The following ARHGAP10 variants were observed in gnomAD, a reference collection of about 807,000 sequenced individuals.
ARHGAP10 encodes the protein rho GTPase-activating protein 10.
In ARHGAP10, 87 loss-of-function variants were observed where a neutral mutation model predicts 108.6. The ratio of observed to expected loss-of-function variants is 0.80; its 90% confidence interval spans 0.67 to 0.96. The LOEUF (loss-of-function observed/expected upper bound fraction) is 0.96, where lower values mean the gene tolerates loss of function less well. ARHGAP10 is among the 40% of genes least tolerant of loss of function. The pLI is 0.00. For missense variants in ARHGAP10, 939 were observed against 954.5 expected (o/e 0.98, Z 0.21); for synonymous variants, 347 against 341.1 (o/e 1.02, Z -0.19).
chr4:147,768,741 C>CT (rs34388709), intron 1 of ARHGAP10, among the ~76,000 whole-genome samples: 1,288 of 126,468 alleles, frequency 0.01, 14 homozygotes, highest in African/African-American at 0.032. Flanking sequence ...ATTTTCTTGT[C>CT]TTTTTTTTTT....
chr4:147,848,673 A>T (rs187080060), intron 4 of ARHGAP10, among the ~76,000 whole-genome samples: 1 of 152,318 alleles, frequency 6.6e-6, no homozygotes, highest in East Asian at 1.9e-4. Flanking sequence ...GGATGGTGCT[A>T]TATGTGTGAC....
At chr4:148,035,575 A>G (rs577272178) in intron 19 of ARHGAP10, among the ~76,000 whole-genome samples, 134 of 152,294 alleles carry the variant, frequency 8.8e-4, no homozygotes, top group African/African-American at 2.9e-3. Context: ...TTGTCTTGCC[A>G]TGTTTCAGAG....
At position 147,931,448 on chromosome 4, in the gene ARHGAP10, A is replaced by C. The variant is rs533063573; in HGVS notation, c.1229-8377A>C. On this transcript the variant is annotated intron_variant, in intron 13 of 22. Coordinates refer to ENST00000336498, the MANE Select transcript of ARHGAP10 (RefSeq NM_024605.4). ...AAATCACAATAATTTGGATATTTTA[A>C]CTTTAATTTTTCAGTTCTAAATTGT... 3.9e-5 allele frequency among the ~76,000 whole-genome samples: 6 copies of C among 152,306 alleles called. No homozygotes were observed. In the South Asian group the frequency reaches 1.2e-3, roughly 32 times the overall value.
At chr4:148,034,638 A>C (rs1728294359) in intron 19 of ARHGAP10, among the ~76,000 whole-genome samples, 1 of 152,034 alleles carries the variant, frequency 6.6e-6, no homozygotes, top group South Asian at 2.1e-4. Flanking sequence ...TCCATCTGGC[A>C]ATTAATAATG....
chr4:147,935,744 G>A (rs1174498505), intron 13 of ARHGAP10, among the ~76,000 whole-genome samples: 1 of 152,218 alleles, frequency 6.6e-6, no homozygotes. Flanking sequence ...GAGCCTTTGA[G>A]AACAGTGTAG....
intron 15 of ARHGAP10, among the ~76,000 whole-genome samples, chr4:147,951,239 C>T (rs766531626): frequency 1.3e-5 from 2 of 152,056 alleles, no homozygotes; most frequent in Non-Finnish European, 2.9e-5. Flanking sequence ...CCCCCCCTCC[C>T]TCGACCCCAC....
In ARHGAP10 at chr4:147,929,303, C is replaced by T. The variant is rs565757198; in HGVS notation, c.1229-10522C>T. On this transcript the variant is annotated intron_variant, in intron 13 of 22. Coordinates refer to ENST00000336498, the MANE Select transcript of ARHGAP10 (RefSeq NM_024605.4). ...CAAAGCTTTAGAATTATGTAAATAC[C>T]GTATCTTAAATTTATGATGGTGAAT... is the stretch of plus-strand genomic sequence containing the variant. Among the ~76,000 whole-genome samples the T allele has an allele frequency of 2.3e-4, 35 of 152,094 alleles. No individual in the cohort carries two copies. In the East Asian group the frequency reaches 5.6e-3, roughly 24 times the overall value.
At chr4:148,047,905 C>T (rs1255299215) in intron 20 of ARHGAP10, among the ~76,000 whole-genome samples, 2 of 152,018 alleles carry the variant, frequency 1.3e-5, no homozygotes, top group African/African-American at 4.8e-5. Flanking sequence ...TCACTGCAAC[C>T]TCCGCCTCCT....
intron 13 of ARHGAP10, among the ~76,000 whole-genome samples, chr4:147,926,060 G>A (rs537492696): frequency 8.5e-5 from 13 of 152,320 alleles, no homozygotes; most frequent in African/African-American, 2.6e-4. Flanking sequence ...CCATGCTGGG[G>A]TGGTGTTGGT....
intron 10 of ARHGAP10, among the ~76,000 whole-genome samples, chr4:147,904,764 G>A (rs908185280): frequency 7.9e-5 from 12 of 152,276 alleles, no homozygotes; most frequent in African/African-American, 2.9e-4. Flanking sequence ...GGATTGCTGG[G>A]TCAAATAGTA....
At chr4:147,889,309 T>A (rs528434546) in intron 10 of ARHGAP10, among the ~76,000 whole-genome samples, 1 of 152,152 alleles carries the variant, frequency 6.6e-6, no homozygotes, top group South Asian at 2.1e-4. Flanking sequence ...GGTACCTTCT[T>A]TTTTTTTGAG....
rs1215740070 is a variant in ARHGAP10 at position 147,784,756 on chromosome 4, AAAATG to A, written c.155-37970_155-37966del. On this transcript the variant is annotated intron_variant, in intron 1 of 22. Coordinates refer to ENST00000336498, the MANE Select transcript of ARHGAP10 (RefSeq NM_024605.4). ...AATATATATTATAAATATATATTATAAAATGTATATTATAAATATAATATATTATA... is the reference window on the plus strand; with the variant it reads ...AATATATATTATAAATATATATTATATATATTATAAATATAATATATTATA... Among the ~76,000 whole-genome samples the A allele has an allele frequency of 6.5e-5, 2 of 31,002 alleles. 1 individual carries two copies. Among genetic ancestry groups the A allele is most frequent in the African/African-American group, 1.3e-4 (2 of 14,908 alleles). 20.3% of individuals were successfully genotyped at this position (31,002 alleles called of 152,430 possible).
intron 12 of ARHGAP10, 110 bp downstream of exon 12, chr4:147,909,887 AG>A: frequency 6.9e-6 from 7 of 1,021,064 alleles, no homozygotes; most frequent in Non-Finnish European, 1.0e-5. Context: ...ACCCTCTATT[AG>A]ACAGAGGGGT....
intron 10 of ARHGAP10, among the ~76,000 whole-genome samples, chr4:147,885,091 G>C (rs1002834476): frequency 6.6e-6 from 1 of 151,696 alleles, no homozygotes; most frequent in Non-Finnish European, 1.5e-5. Flanking sequence ...AGTGGGGAAG[G>C]TTTCTGGCTT....
intron 1 of ARHGAP10, among the ~76,000 whole-genome samples, chr4:147,818,565 CAAAAAA>C (rs5862813): frequency 1.9e-5 from 2 of 105,304 alleles, no homozygotes; most frequent in Non-Finnish European, 2.0e-5. Context: ...AAACTGTCAC[CAAAAAA>C]AAAAAAAAAA....
intron 7 of ARHGAP10, among the ~76,000 whole-genome samples, chr4:147,872,648 G>T (rs76433445): frequency 6.6e-6 from 1 of 152,170 alleles, no homozygotes; most frequent in Non-Finnish European, 1.5e-5. Context: ...CACACATTTT[G>T]TGTGTTCTAT....
intron 1 of ARHGAP10, among the ~76,000 whole-genome samples, chr4:147,815,588 G>C (rs78227712): frequency 0.011 from 1,684 of 152,264 alleles, 15 homozygotes; most frequent in Non-Finnish European, 0.018. Context: ...TGGGCACTGT[G>C]TCTCACACCT....
intron 15 of ARHGAP10, 109 bp downstream of exon 15, chr4:147,946,813 TA>T: frequency 1.2e-6 from 1 of 854,332 alleles, no homozygotes; most frequent in Non-Finnish European, 1.6e-6. Context: ...AGCCTTATTT[TA>T]AAAAGGGAAA....
chr4:148,006,109 G>A (rs554160251), intron 18 of ARHGAP10, among the ~76,000 whole-genome samples: 3 of 152,316 alleles, frequency 2.0e-5, no homozygotes, highest in African/African-American at 7.2e-5. Context: ...ACTGGCAGCT[G>A]CCACTTCTTT....
Sources: gnomAD v4.1 joint callset for allele counts (sites outside exome capture counted in the v4.1 genomes callset) on GRCh38, gnomAD v4.1.1 for gene constraint, MANE v1.5 for transcripts, NCBI Gene and HGNC (gene_info 2026-07-23, HGNC 2026-07-21) for gene names.